Variants in IMPDH2 observed in about 807,000 individuals in gnomAD.
IMPDH2 encodes inosine monophosphate dehydrogenase 2.
In IMPDH2, 33 loss-of-function variants were observed where a neutral mutation model predicts 57.8. That is an observed-to-expected ratio of 0.57 (90% CI 0.43 to 0.76). IMPDH2 has a LOEUF of 0.76. Ranked by LOEUF, IMPDH2 falls within the 30% of genes least tolerant of loss-of-function variation. IMPDH2 has a pLI of 0.00. For synonymous variants in IMPDH2, 270 were observed against 241.3 expected (o/e 1.12, Z -1.10); for missense variants, 446 against 659.1 (o/e 0.68, Z 3.54).
rs761406909 is a variant in IMPDH2, at chr3:49,024,401, A to G, written c.1527T>C (p.Tyr509=). 6.2e-7 allele frequency: 1 copy of G among 1,614,136 alleles called. No individual in the cohort carries two copies. The highest frequency in any genetic ancestry group is 8.5e-7 in the Non-Finnish European group (1 of 1,180,010). The change falls in exon 14 of 14, where the codon TAT becomes TAC. Residue 509 remains tyrosine, a synonymous_variant. Coordinates refer to ENST00000326739, the MANE Select transcript of IMPDH2 (RefSeq NM_000884.3). The part of the protein sequence containing the change: ...VEGGVHSLHS[Y]EKRLF ...TCCCTTTTCAGAAAAGCCGCTTCTCATACCTGCAGGCAGAAGGACCACCTG... is the reference window on the plus strand; with the variant it reads ...TCCCTTTTCAGAAAAGCCGCTTCTCGTACCTGCAGGCAGAAGGACCACCTG...
chr3:49,026,493 T>C lies in IMPDH2; in HGVS notation c.910+26A>G, dbSNP rs72624912. 11,920 of 1,604,814 alleles carry C rather than the reference T, an allele frequency of 7.4e-3. 139 individuals carry two copies. Among genetic ancestry groups the C allele is most frequent in the Middle Eastern group, 0.011 (67 of 6,050 alleles). On this transcript the variant is annotated intron_variant, in intron 8 of 13. Coordinates refer to ENST00000326739, the MANE Select transcript of IMPDH2 (RefSeq NM_000884.3). ...CCAGCTTACCCACTCCCACCACACA[T>C]CCTTCAGGGCACAATCTTGCCTTAC...
chr3:49,025,293 G>A, intron 9 of IMPDH2, 24 bp from the exon 10 acceptor site: 1 of 1,614,120 alleles, frequency 6.2e-7, no homozygotes, highest in Non-Finnish European at 8.5e-7. Context: ...GGAACACATG[G>A]GTGGATAGGG....
chr3:49,025,109 C>T lies in IMPDH2; in HGVS notation c.1150+17G>A, dbSNP rs368754388. ...AGGGAGGGGGTCCCACTGGCCTTCA[C>T]GGGTACTGGGCCTCACCTGTGGAGG... On this transcript the variant is annotated intron_variant, in intron 10 of 13. Coordinates refer to ENST00000326739, the MANE Select transcript of IMPDH2 (RefSeq NM_000884.3). The T allele has an allele frequency of 2.8e-5, 45 of 1,614,098 alleles. No homozygotes were observed. The highest frequency in any genetic ancestry group is 1.2e-4 in the South Asian group (11 of 91,088).
intron 9 of IMPDH2, chr3:49,025,512 AG>A: frequency 1.9e-6 from 1 of 525,748 alleles, no homozygotes; most frequent in Admixed American, 3.2e-5. Context: ...GGGCAGCCTC[AG>A]GCACATGCAG....
At chr3:49,025,482 G>A (rs1368400142) in intron 9 of IMPDH2, 8 of 578,850 alleles carry the variant, frequency 1.4e-5, no homozygotes, top group African/African-American at 1.9e-5. Context: ...ACATGTGCAC[G>A]TGCATGTGTG....
chr3:49,026,679 C>T lies in IMPDH2; in HGVS notation c.819+8G>A, dbSNP rs2093201036. 1 of 1,613,832 alleles carries T rather than the reference C, an allele frequency of 6.2e-7. No individual in the cohort carries two copies. Among genetic ancestry groups the T allele is most frequent in the South Asian group, 1.1e-5 (1 of 91,084 alleles). ...CTATTGCCCCAACCCACCTGTGTAGCAGCTCACCAAAACCACTACATCCAC... is the reference window on the plus strand; with the variant it reads ...CTATTGCCCCAACCCACCTGTGTAGTAGCTCACCAAAACCACTACATCCAC... On this transcript the variant is annotated splice_region_variant and intron_variant, in intron 7 of 13. Coordinates refer to ENST00000326739, the MANE Select transcript of IMPDH2 (RefSeq NM_000884.3).
Position 49,027,970 on chromosome 3 carries a change from C to T in IMPDH2, c.325-54G>A, listed in dbSNP as rs1346334082. The T allele has an allele frequency of 3.0e-6, 4 of 1,353,844 alleles. No individual in the cohort carries two copies. In the African/African-American group the frequency reaches 4.3e-5, roughly 15 times the overall value. 83.9% of individuals were successfully genotyped at this position (1,353,844 alleles called of 1,614,324 possible). ...GCATCTTTGAACTACTTTCATCAGG[C>T]TCTTGATCTGAAGCATGGGGTCTCT... On this transcript the variant is annotated intron_variant, in intron 4 of 13. Transcript: ENST00000326739.
chr3:49,029,165 C>A (rs1390387474), intron 1 of IMPDH2, 88 bp downstream of exon 1: 7 of 1,110,000 alleles, frequency 6.3e-6, no homozygotes, highest in Non-Finnish European at 9.3e-6. Context: ...CACGCCCACG[C>A]CCAAGGCGGC....
At chr3:49,028,196 C>T in intron 4 of IMPDH2, 52 bp downstream of exon 4, 1 of 1,444,050 alleles carries the variant, frequency 6.9e-7, no homozygotes, top group Non-Finnish European at 9.8e-7. Context: ...CACCCCACCC[C>T]ACCTCAGTGC....
In IMPDH2 at chr3:49,027,730, G is replaced by A; in HGVS notation, c.511C>T (p.His171Tyr). The part of the protein sequence containing the change: ...RDIDFLKEEE[H>Y]DCFLEEIMTK... ...CCCACCTCTTCCAAGAAACAGTCATGTTCCTCCTCTTTGAGAAAATCAATG... is the reference window on the plus strand; with the variant it reads ...CCCACCTCTTCCAAGAAACAGTCATATTCCTCCTCTTTGAGAAAATCAATG... Residue 171 changes from histidine (H) to tyrosine (Y), a missense_variant, in exon 5 of 14, where the codon CAT (histidine) becomes TAT (tyrosine). Physicochemically the swap from His to Tyr is moderately conservative, Grantham distance 83 (BLOSUM62 2). Coordinates refer to ENST00000326739, the MANE Select transcript of IMPDH2 (RefSeq NM_000884.3). 1 of 1,614,180 alleles carries A rather than the reference G, an allele frequency of 6.2e-7. No homozygotes were observed. The highest frequency in any genetic ancestry group is 8.5e-7 in the Non-Finnish European group (1 of 1,180,012).
chr3:49,025,192 T>C lies in IMPDH2; in HGVS notation c.1084A>G (p.Ile362Val), dbSNP rs2093192870. 1.9e-6 allele frequency: 3 copies of C among 1,614,104 alleles called. No homozygotes were observed. In the South Asian group the frequency reaches 3.3e-5, roughly 18 times the overall value. ...ACATTTTGGATTCCTCCATCAGCAA[T>C]GACCGGAACACCAAAGCGCCGTGCA... Reference protein sequence around the residue: ...EYARRFGVPVIADGGIQNVGH... With the variant: ...EYARRFGVPVVADGGIQNVGH... Residue 362 changes from isoleucine to valine, a missense_variant, in exon 10 of 14, where the codon ATT becomes GTT. Ile to Val is a conservative substitution (Grantham distance 29). Transcript: ENST00000326739.
chr3:49,027,099 T>C (rs1484656329), intron 5 of IMPDH2, 52 bp from the exon 6 acceptor site: 2 of 1,361,900 alleles, frequency 1.5e-6, no homozygotes, highest in Non-Finnish European at 1.1e-6. Flanking sequence ...TATGACCAGT[T>C]AACTCTTTTC....
chr3:49,026,062 A>G (rs1015308171), intron 9 of IMPDH2: 1 of 583,234 alleles, frequency 1.7e-6, no homozygotes, highest in South Asian at 1.5e-5. Context: ...GGATCTTGGG[A>G]GCCACTAAAT....
In IMPDH2 at chr3:49,025,126, C is replaced by G. The variant is rs774897225; in HGVS notation, c.1150G>C (p.Val384Leu). Residue 384 changes from valine to leucine, a missense_variant and splice_region_variant, in exon 10 of 14, where the codon GTC becomes CTC. Val to Leu is a conservative substitution (Grantham distance 32). Transcript: ENST00000326739. ...AKALALGAST[V>L]MMGSLLAATT... The stretch of plus-strand genomic sequence containing the variant: ...GGCCTTCACGGGTACTGGGCCTCAC[C>G]TGTGGAGGCCCCAAGGGCCAAGGCT... The G allele has an allele frequency of 3.1e-6, 5 of 1,614,090 alleles. No homozygotes were observed. The African/African-American group carries it at 6.7e-5, about 22-fold the overall frequency.
Position 49,026,542 on chromosome 3 carries a change from T to C in IMPDH2, c.887A>G (p.Asn296Ser). The change falls in exon 8 of 14, where the codon AAT becomes AGT. Residue 296 changes from asparagine (N) to serine (S), a missense_variant. Transcript: ENST00000326739. The stretch of plus-strand genomic sequence containing the variant: ...ACCATTGCCTCCAATGACTTGGAGA[T>C]TAGGGTATTTGTCTTTGATGTACTT... ...MIKYIKDKYP[N>S]LQVIGGNVVT... 6.2e-7 allele frequency: 1 copy of C among 1,613,026 alleles called. No homozygotes were observed. The highest frequency in any genetic ancestry group is 1.7e-5 in the Admixed American group (1 of 60,026).
At chr3:49,028,953 G>A in intron 1 of IMPDH2, 147 bp from the exon 2 acceptor site, 1 of 731,778 alleles carries the variant, frequency 1.4e-6, no homozygotes, top group South Asian at 1.6e-5. Flanking sequence ...GCACAAGGTG[G>A]AAATGGGTAC....
Position 49,026,834 on chromosome 3 carries a change from C to T in IMPDH2, c.672G>A (p.Arg224=), listed in dbSNP as rs2093201737. The change falls in exon 7 of 14, where the codon CGG becomes CGA. Residue 224 remains arginine (R), a synonymous_variant. Transcript: ENST00000326739. ...EDDELVAIIA[R]TDLKKNRDYP... ...AGTCCCGATTCTTCTTCAGGTCTGT[C>T]CGGGCAATGATGGCCACAAGCTCAT... The T allele has an allele frequency of 6.2e-7, 1 of 1,614,120 alleles. No individual in the cohort carries two copies. Among genetic ancestry groups the T allele is most frequent in the Non-Finnish European group, 8.5e-7 (1 of 1,180,048 alleles).
Position 49,028,754 on chromosome 3 carries a change from T to C in IMPDH2, c.147+4A>G, listed in dbSNP as rs1226719417. ...TTCAGGACCCAATTCCTGATCATAC[T>C]CACCACCTGGTCTGCAGTGAAGTCG... On this transcript the variant is annotated splice_donor_region_variant and intron_variant, in intron 2 of 13. Transcript: ENST00000326739. The C allele has an allele frequency of 3.1e-6, 5 of 1,612,160 alleles. No homozygotes were observed. Among genetic ancestry groups the C allele is most frequent in the Admixed American group, 1.7e-5 (1 of 60,008 alleles).
intron 9 of IMPDH2, chr3:49,025,878 G>GT (rs1009945659): frequency 1.6e-5 from 7 of 441,148 alleles, no homozygotes; most frequent in African/African-American, 1.2e-4. Flanking sequence ...CATGGTCTGT[G>GT]TATCAGTTGG....
Sources: gnomAD v4.1 joint callset for allele counts on GRCh38, gnomAD v4.1.1 for gene constraint, MANE v1.5 for transcripts, NCBI Gene and HGNC (gene_info 2026-07-23, HGNC 2026-07-21) for gene names.